Variants in HIVEP3 observed in about 807,000 individuals in gnomAD.
HIVEP3 encodes the protein HIVEP zinc finger 3.
A neutral mutation model predicts 152.8 loss-of-function variants in HIVEP3; 49 were observed. That is an observed-to-expected ratio of 0.32 (90% confidence interval 0.26 to 0.41). HIVEP3 has a LOEUF of 0.41. HIVEP3 is among the 10% of genes least tolerant of loss of function. HIVEP3 has a pLI of 1.00. For missense variants in HIVEP3, 2,790 were observed against 3,103.3 expected (o/e 0.90, Z 2.40); for synonymous variants, 1,269 against 1,289.0 (o/e 0.98, Z 0.33).
chr1:41,854,413 C>G (rs1388240677), intron 1 of HIVEP3, among the ~76,000 whole-genome samples: 2 of 152,094 alleles, frequency 1.3e-5, no homozygotes, highest in African/African-American at 2.4e-5. Flanking sequence ...GCCTCACCCC[C>G]ACCCCACTGA....
At chr1:41,949,516 ATGC>A (rs1645093785) in intron 1 of HIVEP3, among the ~76,000 whole-genome samples, 1 of 152,138 alleles carries the variant, frequency 6.6e-6, no homozygotes, top group South Asian at 2.1e-4. Context: ...TAGGGGAAGA[ATGC>A]TGTTATTATG....
intron 1 of HIVEP3, among the ~76,000 whole-genome samples, chr1:41,735,372 G>C (rs1646901384): frequency 6.6e-6 from 1 of 152,192 alleles, no homozygotes; most frequent in African/African-American, 2.4e-5. Flanking sequence ...ACAGGGATGA[G>C]GATGCACTTC....
At chr1:41,513,825 A>C in intron 7 of HIVEP3, 75 bp from the exon 8 acceptor site, 1 of 1,270,012 alleles carries the variant, frequency 7.9e-7, no homozygotes, top group Non-Finnish European at 1.0e-6. Context: ...CTCCTCTCTG[A>C]GCCCCAGTTT....
chr1:41,732,538 G>C (rs1169344257), intron 1 of HIVEP3, among the ~76,000 whole-genome samples: 1 of 152,060 alleles, frequency 6.6e-6, no homozygotes, highest in African/African-American at 2.4e-5. Flanking sequence ...AGAAAGGCAG[G>C]GGAAAGTAGC....
chr1:41,694,197 C>G (rs937624640), intron 2 of HIVEP3, among the ~76,000 whole-genome samples: 1 of 152,018 alleles, frequency 6.6e-6, no homozygotes, highest in African/African-American at 2.4e-5. Context: ...GTCTTTTTCC[C>G]TCTATGCTTT....
At chr1:41,774,562 C>A (rs1217373488) in intron 1 of HIVEP3, among the ~76,000 whole-genome samples, 2 of 152,132 alleles carry the variant, frequency 1.3e-5, no homozygotes, top group East Asian at 3.9e-4. Flanking sequence ...ATCAATAAAT[C>A]CTGGGCCATA....
intron 1 of HIVEP3, among the ~76,000 whole-genome samples, chr1:41,895,791 C>T (rs1410902813): frequency 1.3e-5 from 2 of 152,018 alleles, no homozygotes; most frequent in Non-Finnish European, 2.9e-5. Context: ...GACTGATAAA[C>T]ATTTATTTGC....
intron 2 of HIVEP3, among the ~76,000 whole-genome samples, chr1:41,693,721 G>T (rs185033306): frequency 3.9e-5 from 6 of 152,182 alleles, no homozygotes; most frequent in Admixed American, 3.3e-4. Flanking sequence ...TCGTCATTCC[G>T]GTATGACACA....
chr1:41,795,485 TTAC>T (rs1319207563), intron 1 of HIVEP3, among the ~76,000 whole-genome samples: 3 of 152,160 alleles, frequency 2.0e-5, no homozygotes, highest in South Asian at 2.1e-4. Context: ...AACTGTGAAG[TTAC>T]TATTTTTTCC....
intron 1 of HIVEP3, among the ~76,000 whole-genome samples, chr1:41,716,921 C>T (rs1558206075): frequency 6.6e-6 from 1 of 152,242 alleles, no homozygotes; most frequent in Non-Finnish European, 1.5e-5. Flanking sequence ...GTCTGAGTGC[C>T]AGCAACAGAA....
intron 1 of HIVEP3, among the ~76,000 whole-genome samples, chr1:41,883,604 C>T (rs1461494021): frequency 2.6e-5 from 4 of 152,198 alleles, no homozygotes; most frequent in African/African-American, 9.7e-5. Context: ...GAAGGCTTAC[C>T]TCTCCAGGGC....
At chr1:41,570,123 T>C (rs188666363) in intron 5 of HIVEP3, among the ~76,000 whole-genome samples, 2 of 152,118 alleles carry the variant, frequency 1.3e-5, no homozygotes, top group African/African-American at 2.4e-5. Context: ...ATAGATCACG[T>C]TGGGACTGAG....
Position 41,812,020 on chromosome 1 carries a change from C to G in HIVEP3, c.-801+106393G>C, listed in dbSNP as rs569160098. On this transcript the variant is annotated intron_variant, in intron 1 of 8. Transcript: ENST00000372583. The stretch of plus-strand genomic sequence containing the variant: ...AGAAGACAGAAGGCACTCAGTTGAA[C>G]CATTTTTACAATGGTATAAAGAACC... Among the ~76,000 whole-genome samples the G allele has an allele frequency of 3.3e-5, 5 of 152,178 alleles. No homozygotes were observed. In the South Asian group the frequency reaches 1.0e-3, roughly 32 times the overall value.
At chr1:41,733,713 A>C (rs939841037) in intron 1 of HIVEP3, among the ~76,000 whole-genome samples, 1 of 152,224 alleles carries the variant, frequency 6.6e-6, no homozygotes, top group African/African-American at 2.4e-5. Context: ...CAGGCAGGGA[A>C]GCAGCAACCA....
chr1:41,670,078 T>G (rs945182582), intron 2 of HIVEP3, among the ~76,000 whole-genome samples: 1 of 152,178 alleles, frequency 6.6e-6, no homozygotes, highest in African/African-American at 2.4e-5. Flanking sequence ...GCAGAAGCCG[T>G]CAGTCCTCTG....
chr1:41,941,310 C>T (rs748349648), intron 1 of HIVEP3, among the ~76,000 whole-genome samples: 1 of 152,242 alleles, frequency 6.6e-6, no homozygotes, highest in Non-Finnish European at 1.5e-5. Context: ...TCCAGAAAAG[C>T]GGGAGCCATT....
intron 1 of HIVEP3, among the ~76,000 whole-genome samples, chr1:41,853,374 A>G (rs897222766): frequency 6.6e-6 from 1 of 152,180 alleles, no homozygotes; most frequent in Non-Finnish European, 1.5e-5. Context: ...GACATTTACA[A>G]TCATGGTGAA....
intron 1 of HIVEP3, among the ~76,000 whole-genome samples, chr1:41,727,693 G>C (rs980832429): frequency 6.6e-6 from 1 of 152,198 alleles, no homozygotes; most frequent in Non-Finnish European, 1.5e-5. Context: ...GTCACTTTGG[G>C]CCAGAGGCAG....
intron 1 of HIVEP3, among the ~76,000 whole-genome samples, chr1:41,735,652 G>A (rs1646906057): frequency 6.6e-6 from 1 of 152,122 alleles, no homozygotes; most frequent in South Asian, 2.1e-4. Context: ...CTCCAGCCTG[G>A]AGATTTGGGA....
Sources: allele counts gnomAD v4.1 joint callset (sites outside exome capture counted in the v4.1 genomes callset), GRCh38; gene constraint gnomAD v4.1.1; transcripts MANE v1.5; gene names NCBI Gene and HGNC (gene_info 2026-07-23, HGNC 2026-07-21).